The following SRGAP2C variants were observed in gnomAD, a reference collection of about 807,000 sequenced individuals.
SRGAP2C encodes the protein SLIT-ROBO Rho GTPase-activating protein 2C.
A neutral mutation model predicts 25.1 loss-of-function variants in SRGAP2C; 15 were observed. The ratio of observed to expected loss-of-function variants is 0.60; its 90% CI spans 0.40 to 0.92. The LOEUF is 0.92. Ranked by LOEUF, SRGAP2C falls within the 40% of genes least tolerant of loss-of-function variation. The probability of loss-of-function intolerance (pLI) is 0.00; values close to 1 mark genes in which losing one functional copy is unlikely to be tolerated. For synonymous variants in SRGAP2C, 44 were observed against 96.6 expected (o/e 0.46, Z 3.19); for missense variants, 144 against 264.4 (o/e 0.54, Z 3.16).
chr1:121,280,068 G>A (rs1388108759), intron 2 of SRGAP2C, among the ~76,000 whole-genome samples: 1 of 150,636 alleles, frequency 6.6e-6, no homozygotes, highest in Non-Finnish European at 1.5e-5. Flanking sequence ...CTTTTAAAGT[G>A]TACAATTCAA....
At chr1:121,343,545 G>A (rs1658678107) in intron 4 of SRGAP2C, among the ~76,000 whole-genome samples, 1 of 87,092 alleles carries the variant, frequency 1.1e-5, no homozygotes, top group African/African-American at 5.1e-5. Flanking sequence ...TCAGGGCTAT[G>A]CAGTGTCTGC....
At chr1:121,289,291 G>T (rs1436657702) in intron 3 of SRGAP2C, among the ~76,000 whole-genome samples, 1 of 144,212 alleles carries the variant, frequency 6.9e-6, no homozygotes, top group Admixed American at 6.9e-5. Context: ...CGAGCACAGC[G>T]CCGATGGTCC....
intron 2 of SRGAP2C, among the ~76,000 whole-genome samples, chr1:121,280,111 A>G (rs1410169443): frequency 2.7e-4 from 41 of 149,448 alleles, no homozygotes; most frequent in African/African-American, 9.8e-4. Flanking sequence ...TTGAGCAACA[A>G]TCATCACTAT....
rs1553340439 is a variant in SRGAP2C, at chr1:121,314,978, G to A, written c.261-9500G>A. 1.4e-5 allele frequency: 14 copies of A among 1,033,184 alleles called. No homozygotes were observed. The African/African-American group carries it at 1.5e-4, about 11-fold the overall frequency. The allele number at this position is 1,033,184 out of a possible 1,614,324, so 64.0% of individuals were successfully genotyped here. On this transcript the variant is annotated intron_variant, in intron 3 of 9. Coordinates refer to ENST00000367123, the MANE Select transcript of SRGAP2C (RefSeq NM_001329984.2). Reference sequence around the variant, plus strand: ...CCAGGGCTTGAAGCAGACAATCCAAGCATCCTTCTAAACTATCCTCAGTCT... The same window carrying A: ...CCAGGGCTTGAAGCAGACAATCCAAACATCCTTCTAAACTATCCTCAGTCT...
intron 2 of SRGAP2C, among the ~76,000 whole-genome samples, chr1:121,263,417 T>C (rs1466985983): frequency 3.7e-5 from 4 of 107,848 alleles, no homozygotes; most frequent in Non-Finnish European, 5.4e-5. Flanking sequence ...GGCGACAGAG[T>C]GAGACTCCGT....
intron 4 of SRGAP2C, among the ~76,000 whole-genome samples, chr1:121,355,525 G>C (rs1462228962): frequency 1.7e-5 from 2 of 119,670 alleles, no homozygotes; most frequent in Non-Finnish European, 3.5e-5. Context: ...GTTTCACCTT[G>C]GTCTCGATCT....
chr1:121,375,135 T>C (rs1210757020), intron 7 of SRGAP2C, among the ~76,000 whole-genome samples, 181 bp downstream of exon 7: 1 of 151,054 alleles, frequency 6.6e-6, no homozygotes, highest in Non-Finnish European at 1.5e-5. Context: ...ACTTATTCAA[T>C]CCTAACTGGA....
intron 2 of SRGAP2C, among the ~76,000 whole-genome samples, chr1:121,264,797 G>T (rs1334170239): frequency 3.1e-5 from 4 of 128,596 alleles, no homozygotes; most frequent in African/African-American, 8.7e-5. Flanking sequence ...GTCTTCTCTG[G>T]TAGACTAGAT....
At chr1:121,275,051 CA>C (rs1287701501) in intron 2 of SRGAP2C, among the ~76,000 whole-genome samples, 2 of 150,602 alleles carry the variant, frequency 1.3e-5, no homozygotes, top group Non-Finnish European at 3.0e-5. Flanking sequence ...CCCCCCCACC[CA>C]AGGTCTCAAG....
chr1:121,225,601 T>A (rs1426237404), intron 2 of SRGAP2C, among the ~76,000 whole-genome samples: 3 of 123,622 alleles, frequency 2.4e-5, no homozygotes, highest in African/African-American at 6.5e-5. Context: ...CTGCCACTGT[T>A]ACTGAATGAT....
chr1:121,384,966 G>A (rs1210139549), intron 8 of SRGAP2C, among the ~76,000 whole-genome samples: 1 of 152,156 alleles, frequency 6.6e-6, no homozygotes, highest in Non-Finnish European at 1.5e-5. Flanking sequence ...GAGCCAGGCA[G>A]GGGCCAGGAC....
chr1:121,239,729 G>C (rs1332663346), intron 2 of SRGAP2C, among the ~76,000 whole-genome samples: 1 of 151,820 alleles, frequency 6.6e-6, no homozygotes, highest in Non-Finnish European at 1.5e-5. Flanking sequence ...GGTCAAATCT[G>C]TCCTGCTGCC....
chr1:121,263,018 A>T (rs587707953), intron 2 of SRGAP2C, among the ~76,000 whole-genome samples: 1 of 151,874 alleles, frequency 6.6e-6, no homozygotes, highest in Non-Finnish European at 1.5e-5. Context: ...ATTTAAAACC[A>T]TTTTTTTATC....
rs1381763982 is a variant in SRGAP2C at position 121,392,402 on chromosome 1, A to G, written c.*4547A>G. The G allele has an allele frequency of 7.2e-6, 1 of 139,778 alleles. No homozygotes were observed. Among genetic ancestry groups the G allele is most frequent in the Non-Finnish European group, 1.6e-5 (1 of 64,152 alleles). The allele number at this position is 139,778 out of a possible 1,614,324, so 8.7% of individuals were successfully genotyped here. ...CCTTTCTCTTTTTTCTTTTCTTTCA[A>G]TTTTCTCAATTACTAAGAGATGTTT... On this transcript the variant is annotated 3_prime_UTR_variant, in exon 10 of 10. Transcript: ENST00000367123.
intron 3 of SRGAP2C, among the ~76,000 whole-genome samples, chr1:121,315,606 T>C (rs1489902996): frequency 6.6e-6 from 1 of 150,856 alleles, no homozygotes; most frequent in Non-Finnish European, 1.5e-5. Context: ...TAATATGCTG[T>C]AATTTAGAGC....
chr1:121,324,538 G>C lies in SRGAP2C; in HGVS notation c.321G>C (p.Lys107Asn). Residue 107 changes from lysine to asparagine, a missense_variant, in exon 4 of 10, where the codon AAG becomes AAC. Lys to Asn is a moderately conservative substitution (Grantham distance 94). This residue lies in a region of SRGAP2C where 61 missense variants were observed against 61.7 expected (regional missense o/e 0.99). Coordinates refer to ENST00000367123, the MANE Select transcript of SRGAP2C (RefSeq NM_001329984.2). ...NCWNLLLNQVKWESRDHTTLS... is the reference protein window; with the variant it reads ...NCWNLLLNQVNWESRDHTTLS... ...GGAATCTCCTCTTAAACCAGGTGAA[G>C]TGGGAAAGCAGGGACCATACCACCC... 1 of 1,613,654 alleles carries C rather than the reference G, an allele frequency of 6.2e-7. No homozygotes were observed.
At chr1:121,293,162 GC>G (rs1321517800) in intron 3 of SRGAP2C, among the ~76,000 whole-genome samples, 1 of 124,460 alleles carries the variant, frequency 8.0e-6, no homozygotes, top group Non-Finnish European at 1.7e-5. Context: ...GGGAAAGGAA[GC>G]ATTTTAGATA....
intron 2 of SRGAP2C, among the ~76,000 whole-genome samples, chr1:121,225,749 G>T (rs1305773697): frequency 6.9e-6 from 1 of 144,866 alleles, no homozygotes; most frequent in Non-Finnish European, 1.5e-5. Flanking sequence ...GTCATGCTCC[G>T]TCACCCAGGC....
chr1:121,223,956 T>A (rs1655601131), intron 2 of SRGAP2C, among the ~76,000 whole-genome samples: 1 of 148,468 alleles, frequency 6.7e-6, no homozygotes, highest in South Asian at 2.2e-4. Flanking sequence ...ACCTCAAAGT[T>A]ATTAATGGAA....
Sources: allele counts gnomAD v4.1 joint callset (sites outside exome capture counted in the v4.1 genomes callset), GRCh38; gene constraint gnomAD v4.1.1; regional missense constraint gnomAD v4.1.1; transcripts MANE v1.5; gene names NCBI Gene and HGNC (gene_info 2026-07-23, HGNC 2026-07-21).